AGBL4: variants seen among roughly 807,000 people sequenced by gnomAD.
AGBL4 encodes cytosolic carboxypeptidase 6.
A neutral mutation model predicts 66.4 loss-of-function variants in AGBL4; 58 were observed. That is an observed-to-expected ratio of 0.87 (90% CI 0.71 to 1.09). AGBL4 has a LOEUF of 1.09. Ranked by LOEUF, AGBL4 falls within the 50% of genes least tolerant of loss-of-function variation. The pLI, the probability that AGBL4 is intolerant of heterozygous loss-of-function variation, is 0.00. For missense variants in AGBL4, 579 were observed against 631.0 expected (o/e 0.92, Z 0.88); for synonymous variants, 234 against 222.9 (o/e 1.05, Z -0.44).
At chr1:49,759,030 T>TCA (rs1652109558) in intron 2 of AGBL4, among the ~76,000 whole-genome samples, 1 of 152,154 alleles carries the variant, frequency 6.6e-6, no homozygotes, top group South Asian at 2.1e-4. Context: ...GTAATAGTGA[T>TCA]TGAATTCTCA....
chr1:49,329,565 CT>C (rs1368587775), intron 3 of AGBL4, among the ~76,000 whole-genome samples: 1 of 151,708 alleles, frequency 6.6e-6, no homozygotes, highest in African/African-American at 2.4e-5. Flanking sequence ...ACTCAGGAGG[CT>C]GAGGCATGAG....
At chr1:48,875,526 G>A (rs968638112) in intron 5 of AGBL4, among the ~76,000 whole-genome samples, 5 of 152,300 alleles carry the variant, frequency 3.3e-5, no homozygotes, top group African/African-American at 1.2e-4. Context: ...GCACATGTGA[G>A]ATTGCTTCAA....
intron 9 of AGBL4, among the ~76,000 whole-genome samples, chr1:48,632,423 T>C (rs1271743883): frequency 6.6e-6 from 1 of 152,158 alleles, no homozygotes; most frequent in Non-Finnish European, 1.5e-5. Context: ...ATGACAGCAA[T>C]GGTATGCCGA....
At chr1:49,614,705 A>G (rs1645219198) in intron 3 of AGBL4, among the ~76,000 whole-genome samples, 1 of 152,142 alleles carries the variant, frequency 6.6e-6, no homozygotes, top group Non-Finnish European at 1.5e-5. Flanking sequence ...ATTTTTCAAA[A>G]TTCAGTTTAA....
intron 9 of AGBL4, among the ~76,000 whole-genome samples, chr1:48,597,809 A>AAGAG (rs150961154): frequency 7.0e-4 from 103 of 146,170 alleles, no homozygotes; most frequent in African/African-American, 2.7e-3. Flanking sequence ...AAGAGAAAGA[A>AAGAG]AGAGAGAGAA....
chr1:48,689,203 CAAAAAA>C (rs939955179), intron 6 of AGBL4, among the ~76,000 whole-genome samples: 3 of 53,344 alleles, frequency 5.6e-5, no homozygotes, highest in Non-Finnish European at 8.3e-5. Flanking sequence ...GACCCGGTCT[CAAAAAA>C]AAAAAAAAAA....
chr1:49,619,432 A>T (rs1558106808), intron 3 of AGBL4, among the ~76,000 whole-genome samples: 1 of 152,204 alleles, frequency 6.6e-6, no homozygotes, highest in African/African-American at 2.4e-5. Context: ...GGACCTCTTC[A>T]AGGAGAACTA....
intron 2 of AGBL4, among the ~76,000 whole-genome samples, chr1:49,715,270 G>A (rs1648016360): frequency 6.6e-6 from 1 of 151,986 alleles, no homozygotes; most frequent in African/African-American, 2.4e-5. Context: ...CCAGCTTCAT[G>A]CATGTCCCCT....
chr1:48,710,944 C>T (rs1646957690), intron 6 of AGBL4, among the ~76,000 whole-genome samples: 1 of 150,532 alleles, frequency 6.6e-6, no homozygotes, highest in Admixed American at 6.6e-5. Flanking sequence ...ATTACCTCCC[C>T]TAGGAAGCCT....
intron 2 of AGBL4, among the ~76,000 whole-genome samples, chr1:49,822,152 T>G (rs960706844): frequency 5.9e-5 from 9 of 151,882 alleles, no homozygotes; most frequent in East Asian, 1.9e-4. Context: ...ATTGGGGGGG[T>G]TTTATTCACA....
At position 48,565,811 on chromosome 1, in the gene AGBL4, C is replaced by T. The variant is rs181691127; in HGVS notation, c.1267+21193G>A. On this transcript the variant is annotated intron_variant, in intron 11 of 13. Transcript: ENST00000371839. ...TGCTTTGAGGTTGAATTGGGGAAGC[C>T]GTCTAGGGCAGTACCTGCCACATAA... 2.8e-3 allele frequency among the ~76,000 whole-genome samples: 428 copies of T among 152,282 alleles called. 2 individuals are homozygous for T. The highest frequency in any genetic ancestry group is 9.7e-3 in the African/African-American group (404 of 41,562).
At chr1:49,108,552 T>C (rs138068091) in intron 4 of AGBL4, among the ~76,000 whole-genome samples, 94 of 152,236 alleles carry the variant, frequency 6.2e-4, no homozygotes, top group Middle Eastern at 3.4e-3. Flanking sequence ...TTTCTGCAAG[T>C]AATGGTTCTG....
At chr1:49,900,503 C>A (rs1196420553) in intron 1 of AGBL4, among the ~76,000 whole-genome samples, 2 of 152,134 alleles carry the variant, frequency 1.3e-5, no homozygotes, top group Admixed American at 6.6e-5. Flanking sequence ...CCTTAGCCTC[C>A]CAAAGTGCTG....
chr1:49,110,081 C>T (rs1230162989), intron 4 of AGBL4, among the ~76,000 whole-genome samples: 2 of 152,220 alleles, frequency 1.3e-5, no homozygotes, highest in Admixed American at 1.3e-4. Flanking sequence ...ATTTACACTA[C>T]AATAACTATT....
chr1:50,023,722 T>C (rs904953838), intron 1 of AGBL4, 41 bp downstream of exon 1: 3 of 1,540,308 alleles, frequency 1.9e-6, no homozygotes, highest in African/African-American at 2.8e-5. Context: ...CAGGACAGCC[T>C]GGCCGCCTCA....
At chr1:48,670,980 G>A (rs1015136600) in intron 6 of AGBL4, among the ~76,000 whole-genome samples, 1 of 152,258 alleles carries the variant, frequency 6.6e-6, no homozygotes, top group Non-Finnish European at 1.5e-5. Context: ...TCTGGGCCAG[G>A]AGGGCCCTGC....
intron 4 of AGBL4, among the ~76,000 whole-genome samples, chr1:49,198,413 T>A (rs1647403021): frequency 6.6e-6 from 1 of 152,182 alleles, no homozygotes; most frequent in African/African-American, 2.4e-5. Context: ...CAATCTTGAC[T>A]CATTGTAACC....
intron 3 of AGBL4, among the ~76,000 whole-genome samples, chr1:49,570,669 T>G (rs1644308873): frequency 6.6e-6 from 1 of 152,142 alleles, no homozygotes; most frequent in Non-Finnish European, 1.5e-5. Flanking sequence ...CCTAGACCAA[T>G]GTCCAGAAGA....
intron 5 of AGBL4, among the ~76,000 whole-genome samples, chr1:48,913,339 A>G (rs939719947): frequency 3.3e-5 from 5 of 152,178 alleles, no homozygotes; most frequent in African/African-American, 1.2e-4. Flanking sequence ...AGTCATAGAT[A>G]GCTTAAGGCA....
Sources: gnomAD v4.1 joint callset for allele counts (sites outside exome capture counted in the v4.1 genomes callset) on GRCh38, gnomAD v4.1.1 for gene constraint, MANE v1.5 for transcripts, NCBI Gene and HGNC (gene_info 2026-07-23, HGNC 2026-07-21) for gene names.